Variants in PABIR3 observed in about 807,000 individuals in gnomAD.
The protein encoded by PABIR3 is PABIR family member 1.
Under a neutral mutation model 23.1 loss-of-function variants are expected in PABIR3, and 20 were observed. That is an observed-to-expected ratio of 0.86 (90% CI 0.61 to 1.26). PABIR3 has a LOEUF of 1.26. Among genes scored for constraint, PABIR3 ranks in the 50% most tolerant of loss-of-function variants. The probability of loss-of-function intolerance (pLI) is 0.00; values close to 1 mark genes in which losing one functional copy is unlikely to be tolerated. For synonymous variants in PABIR3, 69 were observed against 68.5 expected, an observed-to-expected ratio of 1.01 and a Z score of -0.04; for missense variants, 189 against 195.4, an observed-to-expected ratio of 0.97 and a Z score of 0.20.
At chrX:134,851,674 A>G (rs1035138347) in intron 9 of PABIR3, among the ~76,000 whole-genome samples, 1 of 112,329 alleles carries the variant, frequency 8.9e-6, no homozygotes, top group Non-Finnish European at 1.9e-5. Flanking sequence ...TTTATGAGGA[A>G]TATGTTTTGA....
At chrX:134,838,647 T>TCCCCCC (rs2082060569) in intron 4 of PABIR3, 1 of 3,463 alleles carries the variant, frequency 2.9e-4, no homozygotes, top group Non-Finnish European at 4.4e-4. Flanking sequence ...CCTCTCCCTC[T>TCCCCCC]CCCCCTCCCC....
At chrX:134,839,668 G>A (rs1412703470) in intron 4 of PABIR3, 118 of 113,109 alleles carry the variant, frequency 1.0e-3, no homozygotes, top group Non-Finnish European at 1.2e-3. Flanking sequence ...CCGGCCATCC[G>A]CCCCATCCAG....
In PABIR3 at chrX:134,821,088, GTA is replaced by G. The variant is rs532535490; in HGVS notation, c.189+6255_189+6256del. 4.2e-3 allele frequency among the ~76,000 whole-genome samples: 406 copies of G among 96,756 alleles called. 2 individuals carry two copies. Among genetic ancestry groups the G allele is most frequent in the South Asian group, 0.014 (29 of 2,134 alleles). The allele number at this position is 96,756 out of a possible 115,157, so 84.0% of individuals were successfully genotyped here. A position where few individuals can be genotyped will look rare whatever the true frequency, so the allele number is the denominator to read the frequency against. ...TTTTATATTATATGTGTGTGTGTGTGTATATATATATATATATGGGTGTGTGT... is the reference window on the plus strand; with the variant it reads ...TTTTATATTATATGTGTGTGTGTGTGTATATATATATATATGGGTGTGTGT... On this transcript the variant is annotated intron_variant, in intron 3 of 10. Coordinates refer to ENST00000645433, the MANE Select transcript of PABIR3 (RefSeq NM_001388447.1).
At chrX:134,816,734 G>C (rs1249437641) in intron 3 of PABIR3, among the ~76,000 whole-genome samples, 1 of 112,235 alleles carries the variant, frequency 8.9e-6, no homozygotes, top group Admixed American at 9.5e-5. Flanking sequence ...TTATAGGTTT[G>C]TTGAGATTTT....
chrX:134,810,490 A>G lies in PABIR3; in HGVS notation c.110+2782A>G, dbSNP rs960076334. On this transcript the variant is annotated intron_variant, in intron 2 of 10. Transcript: ENST00000645433. ...CTCTAGTCTGTCAGAAAGAAGTAAC[A>G]TAGGAATGATGTGTGACATCCCTGA... is the stretch of plus-strand genomic sequence containing the variant. 5.4e-5 allele frequency: 41 copies of G among 752,675 alleles called. No homozygotes were observed. In the African/African-American group the frequency reaches 8.8e-4, roughly 16 times the overall value. The allele number at this position is 752,675 out of a possible 1,213,427, so 62.0% of individuals were successfully genotyped here.
chrX:134,819,086 G>A (rs1269132331), intron 3 of PABIR3, among the ~76,000 whole-genome samples: 1 of 107,726 alleles, frequency 9.3e-6, no homozygotes, highest in African/African-American at 3.4e-5. Context: ...ACAGGCACGC[G>A]CCACCACACC....
At chrX:134,856,526 T>TAACTA (rs2082751282), downstream of PABIR3, among the ~76,000 whole-genome samples, 1 of 110,906 alleles carries the variant, frequency 9.0e-6, no homozygotes, top group Admixed American at 9.7e-5. Context: ...GATTTAGCTG[T>TAACTA]ACACTAGGAT....
At chrX:134,815,808 A>G (rs2080944747) in intron 3 of PABIR3, among the ~76,000 whole-genome samples, 1 of 109,688 alleles carries the variant, frequency 9.1e-6, no homozygotes, top group African/African-American at 3.3e-5. Flanking sequence ...CCTCCCAAGT[A>G]GCTGGGACTA....
upstream of PABIR3, among the ~76,000 whole-genome samples, chrX:134,802,380 C>T (rs1310050972): frequency 2.7e-5 from 3 of 111,729 alleles, no homozygotes; most frequent in Admixed American, 9.5e-5. Flanking sequence ...CCACCGTGCC[C>T]GGCCTCAAGT....
intron 3 of PABIR3, chrX:134,822,148 A>G (rs1282566016): frequency 1.3e-6 from 1 of 752,299 alleles, no homozygotes; most frequent in Non-Finnish European, 1.6e-6. Context: ...GGTTCCTTCC[A>G]AGGACTTTTC....
chrX:134,797,810 ATTTTTT>A (rs200169266), intron 1 of PABIR3, among the ~76,000 whole-genome samples: 3 of 88,107 alleles, frequency 3.4e-5, no homozygotes, highest in Non-Finnish European at 4.5e-5. Flanking sequence ...TGAGATCTGG[ATTTTTT>A]TTTTTTTTTT....
intron 10 of PABIR3, among the ~76,000 whole-genome samples, chrX:134,853,865 G>A (rs952986140): frequency 9.0e-6 from 1 of 111,714 alleles, no homozygotes; most frequent in Non-Finnish European, 1.9e-5. Context: ...TGATCCACCT[G>A]CCTTGGCCTT....
chrX:134,834,747 C>A (rs2081918980), intron 4 of PABIR3, among the ~76,000 whole-genome samples: 1 of 112,162 alleles, frequency 8.9e-6, no homozygotes, highest in Non-Finnish European at 1.9e-5. Flanking sequence ...GTTTTCCCAG[C>A]ACCATTTATT....
intron 9 of PABIR3, among the ~76,000 whole-genome samples, chrX:134,850,975 A>G (rs1448764846): frequency 8.9e-6 from 1 of 112,323 alleles, no homozygotes; most frequent in Non-Finnish European, 1.9e-5. Flanking sequence ...ATACAATAAC[A>G]GATAAACAGA....
chrX:134,849,339 A>T (rs2082543764), intron 9 of PABIR3, 111 bp downstream of exon 9: 1 of 295,489 alleles, frequency 3.4e-6, no homozygotes, highest in South Asian at 1.9e-4. Flanking sequence ...TATTTAAAAT[A>T]TATTTAATAA....
chrX:134,814,903 C>G, intron 3 of PABIR3, 54 bp downstream of exon 3: 11 of 904,068 alleles, frequency 1.2e-5, no homozygotes, highest in Admixed American at 3.1e-5. Context: ...TTATTGGTCT[C>G]AACCAATGGT....
At chrX:134,844,559 A>G (rs1006188340) in intron 4 of PABIR3, among the ~76,000 whole-genome samples, 5 of 111,536 alleles carry the variant, frequency 4.5e-5, no homozygotes, top group African/African-American at 1.6e-4. Context: ...TAATATAGCA[A>G]TGTACAAAGG....
At chrX:134,857,361 G>C (rs1213326045), downstream of PABIR3, among the ~76,000 whole-genome samples, 1 of 110,735 alleles carries the variant, frequency 9.0e-6, no homozygotes, top group African/African-American at 3.3e-5. Context: ...TCTGTGTCCT[G>C]TGTCGTCATA....
rs1025630074 is a variant in PABIR3 at position 134,844,773 on chromosome X, C to T, written c.247-432C>T. On this transcript the variant is annotated intron_variant, in intron 4 of 10. Coordinates refer to ENST00000645433, the MANE Select transcript of PABIR3 (RefSeq NM_001388447.1). ...TCATCATTTACTTAAGCAAACTTAC[C>T]CTGATAGACATTTAATTTGTTGTCT... Among the ~76,000 whole-genome samples, 3 of 111,390 alleles carry T rather than the reference C, an allele frequency of 2.7e-5. No individual in the cohort carries two copies. In the Admixed American group the frequency reaches 2.9e-4, roughly 11 times the overall value.
Sources: allele counts gnomAD v4.1 joint callset (sites outside exome capture counted in the v4.1 genomes callset), GRCh38; gene constraint gnomAD v4.1.1; transcripts MANE v1.5; gene names NCBI Gene and HGNC (gene_info 2026-07-23, HGNC 2026-07-21).